Variants in ZNF536 observed in about 807,000 individuals in gnomAD.
The protein encoded by ZNF536 is zinc finger protein 536.
Under a neutral mutation model 84.5 loss-of-function variants are expected in ZNF536, and 13 were observed. The ratio of observed to expected loss-of-function variants is 0.15; its 90% confidence interval spans 0.10 to 0.24. The LOEUF (loss-of-function observed/expected upper bound fraction) is 0.24. ZNF536 is among the 10% of genes least tolerant of loss of function. The pLI is 1.00. For synonymous variants in ZNF536, 811 were observed against 742.5 expected (o/e 1.09, Z -1.50); for missense variants, 1,536 against 1,747.5 (o/e 0.88, Z 2.16).
chr19:30,532,917 T>TG (rs2044902999), intron 2 of ZNF536, among the ~76,000 whole-genome samples: 2 of 152,206 alleles, frequency 1.3e-5, no homozygotes, highest in Admixed American at 6.5e-5. Flanking sequence ...AAGCCATCTT[T>TG]GGGGGCCTTT....
At chr19:30,325,009 G>A (rs2046977305) in intron 2 of ZNF536, among the ~76,000 whole-genome samples, 1 of 152,184 alleles carries the variant, frequency 6.6e-6, no homozygotes, top group Non-Finnish European at 1.5e-5. Flanking sequence ...TACAATGGGT[G>A]TGAGTGCTCT....
intron 1 of ZNF536, among the ~76,000 whole-genome samples, chr19:30,634,345 CAT>C (rs1206196719): frequency 1.3e-5 from 2 of 152,182 alleles, no homozygotes; most frequent in Non-Finnish European, 2.9e-5. Context: ...CTCAGCCAGT[CAT>C]ATGGACTGGG....
At chr19:30,589,155 A>G (rs1020948206) in intron 1 of ZNF536, among the ~76,000 whole-genome samples, 1 of 152,184 alleles carries the variant, frequency 6.6e-6, no homozygotes, top group Non-Finnish European at 1.5e-5. Context: ...CCCTAGGGCC[A>G]TGCTTGGGAG....
At chr19:30,384,751 G>T (rs1050109462) in intron 1 of ZNF536, among the ~76,000 whole-genome samples, 3 of 152,192 alleles carry the variant, frequency 2.0e-5, no homozygotes, top group South Asian at 2.1e-4. Context: ...GTTCAGCCAG[G>T]CATGGTGGCT....
intron 2 of ZNF536, among the ~76,000 whole-genome samples, chr19:30,330,414 G>C (rs1330483153): frequency 6.6e-6 from 1 of 152,152 alleles, no homozygotes; most frequent in Non-Finnish European, 1.5e-5. Context: ...CCTTTGTTTG[G>C]TGAGAAACTT....
At chr19:30,238,498 G>T (rs946136279) in intron 1 of ZNF536, among the ~76,000 whole-genome samples, 8 of 152,124 alleles carry the variant, frequency 5.3e-5, no homozygotes, top group African/African-American at 1.9e-4. Flanking sequence ...CAAGTGTACT[G>T]GTTGGTTGCT....
intron 1 of ZNF536, among the ~76,000 whole-genome samples, chr19:30,627,187 G>A (rs1295856318): frequency 6.6e-6 from 1 of 152,032 alleles, no homozygotes; most frequent in African/African-American, 2.4e-5. Flanking sequence ...AAAGTTCTAG[G>A]CTGGCTGGGT....
At chr19:30,450,716 A>G (rs976361324) in intron 2 of ZNF536, among the ~76,000 whole-genome samples, 1 of 152,234 alleles carries the variant, frequency 6.6e-6, no homozygotes, top group Non-Finnish European at 1.5e-5. Context: ...ACAAATAGGC[A>G]ACATTATTTA....
At chr19:30,392,751 A>G (rs1310556778) in intron 1 of ZNF536, among the ~76,000 whole-genome samples, 2 of 152,224 alleles carry the variant, frequency 1.3e-5, no homozygotes, top group Non-Finnish European at 2.9e-5. Flanking sequence ...TGACTACATT[A>G]CATTACAGTA....
At chr19:30,235,282 GC>G (rs1236265997) in intron 1 of ZNF536, among the ~76,000 whole-genome samples, 1 of 152,230 alleles carries the variant, frequency 6.6e-6, no homozygotes, top group African/African-American at 2.4e-5. Context: ...TTGGAAGCCA[GC>G]TGCATTGGCC....
At chr19:30,628,386 A>G (rs1377965669) in intron 1 of ZNF536, among the ~76,000 whole-genome samples, 2 of 151,130 alleles carry the variant, frequency 1.3e-5, no homozygotes, top group Non-Finnish European at 2.9e-5. Context: ...AGGACAGAAA[A>G]CATAGCACAG....
At chr19:30,627,932 C>T (rs555265114) in intron 1 of ZNF536, among the ~76,000 whole-genome samples, 92 of 152,290 alleles carry the variant, frequency 6.0e-4, no homozygotes, top group African/African-American at 1.5e-3. Flanking sequence ...TGGGTGGCTC[C>T]GGCCATGACT....
intron 1 of ZNF536, among the ~76,000 whole-genome samples, chr19:30,601,513 G>A (rs1390949476): frequency 6.6e-6 from 1 of 152,200 alleles, no homozygotes; most frequent in Non-Finnish European, 1.5e-5. Flanking sequence ...GGGACTGCAG[G>A]AAACCCCTAA....
intron 1 of ZNF536, among the ~76,000 whole-genome samples, chr19:30,620,308 A>T (rs2048437973): frequency 6.6e-6 from 1 of 151,874 alleles, no homozygotes; most frequent in African/African-American, 2.4e-5. Flanking sequence ...CTTCATGTGA[A>T]ACATCATTAC....
intron 3 of ZNF536, among the ~76,000 whole-genome samples, chr19:30,545,599 A>G (rs2045520353): frequency 6.6e-6 from 1 of 151,436 alleles, no homozygotes. Flanking sequence ...GGGTTTCATC[A>G]TGTTAGCCAG....
chr19:30,347,815 A>G (rs1307066348), intron 2 of ZNF536, among the ~76,000 whole-genome samples: 1 of 152,130 alleles, frequency 6.6e-6, no homozygotes, highest in Non-Finnish European at 1.5e-5. Context: ...TTTTTGCAAA[A>G]TGCTCCTAGC....
intron 1 of ZNF536, among the ~76,000 whole-genome samples, chr19:30,669,351 G>T (rs1400293385): frequency 6.6e-6 from 1 of 152,216 alleles, no homozygotes; most frequent in Non-Finnish European, 1.5e-5. Context: ...ATTTGTGATG[G>T]CTGAGTCCTG....
At chr19:30,711,215 A>C (rs1600360789) in exon 2 of ZNF536, 2 of 152,136 alleles carry the variant, frequency 1.3e-5, no homozygotes, top group African/African-American at 4.8e-5. Context: ...GTTACCCGGC[A>C]ACAAGTACTT....
At chr19:30,342,365 A>T (rs1361839156) in intron 2 of ZNF536, among the ~76,000 whole-genome samples, 1 of 152,200 alleles carries the variant, frequency 6.6e-6, no homozygotes, top group Non-Finnish European at 1.5e-5. Context: ...ATTTTGGCCC[A>T]TTCACAACTG....
Sources: allele counts gnomAD v4.1 joint callset (sites outside exome capture counted in the v4.1 genomes callset), GRCh38; gene constraint gnomAD v4.1.1; transcripts MANE v1.5; gene names NCBI Gene and HGNC (gene_info 2026-07-23, HGNC 2026-07-21).